NOX4: variants seen among roughly 807,000 people sequenced by gnomAD.
NOX4 encodes the protein kidney oxidase-1.
A neutral mutation model predicts 87.6 loss-of-function variants in NOX4; 69 were observed. The ratio of observed to expected loss-of-function variants is 0.79; its 90% confidence interval spans 0.65 to 0.96. NOX4 has a LOEUF of 0.96. Among genes scored for constraint, NOX4 ranks in the 40% least tolerant of loss-of-function variants. The pLI is 0.00. For synonymous variants in NOX4, 275 were observed against 238.2 expected (o/e 1.15, Z -1.42); for missense variants, 680 against 681.5 (o/e 1.00, Z 0.02).
At chr11:89,369,020 T>G (rs2135040824) in intron 12 of NOX4, among the ~76,000 whole-genome samples, 1 of 152,204 alleles carries the variant, frequency 6.6e-6, no homozygotes, top group Admixed American at 6.6e-5. Context: ...AATAACTCAT[T>G]TATGGAGCTA....
At chr11:89,395,886 A>G (rs758832540) in intron 11 of NOX4, among the ~76,000 whole-genome samples, 2 of 152,152 alleles carry the variant, frequency 1.3e-5, no homozygotes, top group African/African-American at 4.8e-5. Flanking sequence ...TAGCAGTACC[A>G]TGCTGTTTTG....
chr11:89,435,145 T>C (rs1944012604), intron 6 of NOX4, among the ~76,000 whole-genome samples: 13 of 152,058 alleles, frequency 8.5e-5, no homozygotes, highest in Admixed American at 8.5e-4. Context: ...TTTCATAAAT[T>C]TGAGAGAAAA....
intron 7 of NOX4, among the ~76,000 whole-genome samples, chr11:89,424,758 T>C (rs377457570): frequency 1.2e-3 from 188 of 152,208 alleles, no homozygotes; most frequent in South Asian, 8.9e-3. Context: ...TTGACCCATA[T>C]TGAACTCTCC....
chr11:89,500,343 A>C (rs1253293943), upstream of NOX4, among the ~76,000 whole-genome samples: 1 of 152,022 alleles, frequency 6.6e-6, no homozygotes, highest in East Asian at 1.9e-4. Flanking sequence ...TCCTTTCTTA[A>C]AATTTGTATG....
chr11:89,401,886 C>A (rs1313584062), intron 9 of NOX4, among the ~76,000 whole-genome samples: 2 of 151,954 alleles, frequency 1.3e-5, no homozygotes, highest in Non-Finnish European at 2.9e-5. Context: ...CAATGCCTGG[C>A]AGATAATATT....
chr11:89,516,481 C>CT, the NOX4 span, among the ~76,000 whole-genome samples: 23 of 151,910 alleles, frequency 1.5e-4, no homozygotes, highest in African/African-American at 1.9e-4. Flanking sequence ...CAATCTCAGG[C>CT]TTTTTTTTAA....
chr11:89,449,520 G>A lies in NOX4; in HGVS notation c.269C>T (p.Pro90Leu), dbSNP rs778950581. 7.8e-5 allele frequency: 126 copies of A among 1,608,802 alleles called. No homozygotes were observed. Among genetic ancestry groups the A allele is most frequent in the Non-Finnish European group, 1.0e-4 (123 of 1,176,576 alleles). The change falls in exon 4 of 18, where the codon CCA becomes CTA. Residue 90 changes from proline to leucine, a missense_variant. Coordinates refer to ENST00000263317, the MANE Select transcript of NOX4 (RefSeq NM_016931.5). The stretch of plus-strand genomic sequence containing the variant: ...CAACAATCTCCTGGTTCTCCTGCTT[G>A]GAACCTAAACAAAAATCATTTAATA... ...LAYLRGSQKV[P>L]SRRTRRLLDK...
intron 12 of NOX4, among the ~76,000 whole-genome samples, chr11:89,364,621 T>G (rs1938795640): frequency 6.6e-6 from 1 of 152,050 alleles, no homozygotes; most frequent in Non-Finnish European, 1.5e-5. Context: ...AGCTAATGAA[T>G]GAATAAGAAC....
chr11:89,503,501 A>G, the NOX4 span, among the ~76,000 whole-genome samples: 1 of 151,854 alleles, frequency 6.6e-6, no homozygotes, highest in Non-Finnish European at 1.5e-5. Flanking sequence ...TTTTCAGCTC[A>G]TTAATACTGG....
At chr11:89,438,469 TTATATA>T (rs1944211205) in intron 6 of NOX4, among the ~76,000 whole-genome samples, 1 of 79,982 alleles carries the variant, frequency 1.3e-5, no homozygotes, top group Non-Finnish European at 1.9e-5. Flanking sequence ...AGCATATATA[TTATATA>T]CTATATATAC....
the NOX4 span, among the ~76,000 whole-genome samples, chr11:89,507,867 A>G: frequency 4.5e-4 from 68 of 151,996 alleles, no homozygotes; most frequent in African/African-American, 1.6e-3. Flanking sequence ...AAACGTAAGA[A>G]TTTCTTAGAA....
At chr11:89,343,384 T>C (rs901255106) in intron 13 of NOX4, among the ~76,000 whole-genome samples, 149 of 152,164 alleles carry the variant, frequency 9.8e-4, no homozygotes, top group African/African-American at 3.4e-3. Context: ...AGAAATGGGC[T>C]AAGTCCAGTA....
chr11:89,387,831 G>T (rs1940824226), intron 11 of NOX4, among the ~76,000 whole-genome samples: 1 of 152,104 alleles, frequency 6.6e-6, no homozygotes. Flanking sequence ...CTTAATAAAG[G>T]ATTTGATTTG....
At chr11:89,447,235 T>A (rs544529670) in intron 4 of NOX4, among the ~76,000 whole-genome samples, 18 of 152,128 alleles carry the variant, frequency 1.2e-4, no homozygotes, top group Non-Finnish European at 2.1e-4. Flanking sequence ...AATACCCAAA[T>A]GTATAGTAAA....
the NOX4 span, among the ~76,000 whole-genome samples, chr11:89,570,509 AG>A: frequency 6.6e-6 from 1 of 152,234 alleles, no homozygotes; most frequent in Non-Finnish European, 1.5e-5. Context: ...AAAGTTGGAA[AG>A]AAAAAAAAGT....
chr11:89,328,832 T>G (rs959756784), intron 17 of NOX4, among the ~76,000 whole-genome samples: 3 of 151,910 alleles, frequency 2.0e-5, no homozygotes, highest in African/African-American at 7.3e-5. Context: ...AGAAGTAATT[T>G]GAACACAAAA....
intron 11 of NOX4, among the ~76,000 whole-genome samples, chr11:89,393,511 T>C (rs1212737361): frequency 6.6e-6 from 1 of 152,138 alleles, no homozygotes; most frequent in Non-Finnish European, 1.5e-5. Context: ...TTCCCGTTTC[T>C]CATTTTCAAG....
At chr11:89,390,802 C>A (rs1236121719) in intron 11 of NOX4, among the ~76,000 whole-genome samples, 1 of 152,082 alleles carries the variant, frequency 6.6e-6, no homozygotes, top group African/African-American at 2.4e-5. Flanking sequence ...AAGACCTTTG[C>A]CATAGGTACA....
At chr11:89,414,434 T>A (rs1942652526) in intron 8 of NOX4, among the ~76,000 whole-genome samples, 3 of 151,824 alleles carry the variant, frequency 2.0e-5, no homozygotes, top group Admixed American at 2.0e-4. Context: ...TAATATATTT[T>A]CCCCATTGCT....
Sources: allele counts gnomAD v4.1 joint callset (sites outside exome capture counted in the v4.1 genomes callset), GRCh38; gene constraint gnomAD v4.1.1; transcripts MANE v1.5; gene names NCBI Gene and HGNC (gene_info 2026-07-23, HGNC 2026-07-21).